METTL9: variants seen among roughly 807,000 people sequenced by gnomAD.
METTL9 encodes protein-L-histidine N-pros-methyltransferase.
A neutral mutation model predicts 36.0 loss-of-function variants in METTL9; 10 were observed. The observed-to-expected ratio is 0.28, with a 90% CI of 0.17 to 0.47. METTL9 has a LOEUF of 0.47. METTL9 is among the 20% of genes least tolerant of loss of function. The pLI is 0.99. For missense variants in METTL9, 246 were observed against 383.5 expected (o/e 0.64, Z 3.00); for synonymous variants, 175 against 149.7 (o/e 1.17, Z -1.23).
chr16:21,605,715 T>A (rs1202696825), intron 1 of METTL9, among the ~76,000 whole-genome samples: 1 of 152,170 alleles, frequency 6.6e-6, no homozygotes, highest in Non-Finnish European at 1.5e-5. Context: ...TTGTGCATGC[T>A]TTTTTTAAGG....
chr16:21,649,181 C>T (rs1465247185), intron 4 of METTL9, among the ~76,000 whole-genome samples: 10 of 152,076 alleles, frequency 6.6e-5, no homozygotes, highest in Non-Finnish European at 1.2e-4. Context: ...TTTGTAGAGA[C>T]AGGGTTTCAC....
chr16:21,599,709 T>G lies in METTL9; in HGVS notation c.-25T>G. On this transcript the variant is annotated 5_prime_UTR_variant, in exon 1 of 5. Transcript: ENST00000358154. The surrounding 1 kb of genome is among the most constrained non-coding windows in gnomAD (Gnocchi z 4.4). Reference sequence around the variant, plus strand: ...CTCCTCGCCCCGGCGCCGGCGGTGATCCGAGCGAGCGGCCGCGGCCCCCGA... The same window carrying G: ...CTCCTCGCCCCGGCGCCGGCGGTGAGCCGAGCGAGCGGCCGCGGCCCCCGA... 4 of 1,471,438 alleles carry G rather than the reference T, an allele frequency of 2.7e-6. No individual in the cohort carries two copies. The highest frequency in any genetic ancestry group is 3.6e-6 in the Non-Finnish European group (4 of 1,116,126). The allele number at this position is 1,471,438 out of a possible 1,614,324, so 91.1% of individuals were successfully genotyped here.
At chr16:21,601,495 C>T (rs1192712049) in intron 1 of METTL9, among the ~76,000 whole-genome samples, 4 of 152,110 alleles carry the variant, frequency 2.6e-5, no homozygotes, top group African/African-American at 9.7e-5. Context: ...CCTACTGCAG[C>T]CACTTGGTAG....
chr16:21,655,055 C>G (rs1291577459), intron 4 of METTL9, 172 bp from the exon 5 acceptor site: 3 of 626,780 alleles, frequency 4.8e-6, no homozygotes, highest in Non-Finnish European at 8.5e-6. Flanking sequence ...TGAGTCTGTT[C>G]TTTATCTGCC....
At chr16:21,628,160 A>G (rs764374253) in intron 4 of METTL9, among the ~76,000 whole-genome samples, 1 of 152,240 alleles carries the variant, frequency 6.6e-6, no homozygotes, top group Non-Finnish European at 1.5e-5. Flanking sequence ...TTACCAGCAC[A>G]TATGTCTCCA....
intron 4 of METTL9, chr16:21,654,930 C>T: frequency 2.6e-6 from 1 of 392,098 alleles, no homozygotes. Context: ...AGATACTACC[C>T]AAAACTGTCA....
At position 21,625,072 on chromosome 16, in the gene METTL9, C is replaced by T; in HGVS notation, c.708C>T (p.Val236=). 6.2e-7 allele frequency: 1 copy of T among 1,614,204 alleles called. No homozygotes were observed. Among genetic ancestry groups the T allele is most frequent in the Non-Finnish European group, 8.5e-7 (1 of 1,180,038 alleles). Residue 236 remains valine (V), a synonymous_variant, in exon 4 of 5, where the codon GTC becomes GTT. Transcript: ENST00000358154. ...TCTTGGAGCCAACTAGAGGCAGGGTCATCCTTGCCCTTGTCCTCCCCTTTC... is the reference window on the plus strand; with the variant it reads ...TCTTGGAGCCAACTAGAGGCAGGGTTATCCTTGCCCTTGTCCTCCCCTTTC... ...RSVLEPTRGR[V]ILALVLPFHP... is the part of the protein sequence containing the mutation.
At chr16:21,621,334 T>A (rs2152895255) in intron 3 of METTL9, among the ~76,000 whole-genome samples, 1 of 152,148 alleles carries the variant, frequency 6.6e-6, no homozygotes, top group South Asian at 2.1e-4. Flanking sequence ...TCTGTAATTT[T>A]TTTTTTTTTT....
intron 4 of METTL9, chr16:21,643,750 C>T: frequency 1.0e-5 from 6 of 593,016 alleles, no homozygotes; most frequent in South Asian, 2.3e-5. Flanking sequence ...GATGCTTTTA[C>T]TCCATTAAAA....
chr16:21,653,580 C>A (rs1966634086), intron 4 of METTL9: 1 of 152,278 alleles, frequency 6.6e-6, no homozygotes, highest in Non-Finnish European at 1.5e-5. Context: ...GTGTGGGGTC[C>A]ACAGCCAGGA....
chr16:21,648,961 G>A (rs1411244638), intron 4 of METTL9, among the ~76,000 whole-genome samples: 1 of 152,114 alleles, frequency 6.6e-6, no homozygotes, highest in Non-Finnish European at 1.5e-5. Context: ...TGTGATGCGA[G>A]TCTCTTCTCA....
intron 3 of METTL9, among the ~76,000 whole-genome samples, chr16:21,621,065 G>C (rs1965680124): frequency 6.6e-6 from 1 of 151,964 alleles, no homozygotes; most frequent in Admixed American, 6.6e-5. Flanking sequence ...GAACTTCCGG[G>C]CTCAAGTGAT....
chr16:21,655,315 C>T lies in METTL9; in HGVS notation c.840C>T (p.Phe280=), dbSNP rs1484579693. The T allele has an allele frequency of 6.2e-7, 1 of 1,614,226 alleles. No individual in the cohort carries two copies. The highest frequency in any genetic ancestry group is 1.7e-5 in the Admixed American group (1 of 60,024). The part of the protein sequence containing the change: ...EEQVNSLPEV[F]RKAGFVIEAF... ...AAGTGAATAGTCTGCCTGAAGTTTT[C>T]AGAAAAGCTGGTTTTGTTATCGAAG... is the stretch of plus-strand genomic sequence containing the variant. The change falls in exon 5 of 5, where the codon TTC becomes TTT. Residue 280 remains phenylalanine, a synonymous_variant. Transcript: ENST00000358154.
intron 1 of METTL9, among the ~76,000 whole-genome samples, chr16:21,604,161 T>C (rs1046685087): frequency 6.6e-6 from 1 of 152,194 alleles, no homozygotes; most frequent in Non-Finnish European, 1.5e-5. Flanking sequence ...TTCTCTGAAC[T>C]GCCTTCGAGA....
rs543143297 is a variant in METTL9, at chr16:21,644,322, C to T, written c.752-10905C>T. On this transcript the variant is annotated intron_variant, in intron 4 of 4. Transcript: ENST00000358154. ...AGGAGTATGAAGGCCACGCACACAC[C>T]GGTCACATAGACAGAGAGCAGTGAT... 71 of 1,613,586 alleles carry T rather than the reference C, an allele frequency of 4.4e-5. No homozygotes were observed. The Admixed American group carries it at 7.2e-4, about 16-fold the overall frequency.
intron 4 of METTL9, among the ~76,000 whole-genome samples, chr16:21,650,989 C>T (rs915039455): frequency 1.3e-5 from 2 of 152,130 alleles, no homozygotes; most frequent in South Asian, 2.1e-4. Flanking sequence ...TATGGGAGGC[C>T]GAGGCGGGCG....
chr16:21,637,248 G>A (rs1414345901), intron 4 of METTL9, among the ~76,000 whole-genome samples: 6 of 152,144 alleles, frequency 3.9e-5, no homozygotes, highest in East Asian at 1.9e-4. Flanking sequence ...TGATTCGTCC[G>A]TTTTGACAGA....
chr16:21,601,636 C>T (rs1392850579), intron 1 of METTL9, among the ~76,000 whole-genome samples: 4 of 152,084 alleles, frequency 2.6e-5, no homozygotes, highest in Non-Finnish European at 4.4e-5. Context: ...AGGATACTTT[C>T]TGACTGTACC....
chr16:21,604,133 A>G (rs557562027), intron 1 of METTL9, among the ~76,000 whole-genome samples: 6 of 152,260 alleles, frequency 3.9e-5, no homozygotes, highest in African/African-American at 1.4e-4. Context: ...CCGGACAGAC[A>G]CTGATGGATT....
Sources: gnomAD v4.1 joint callset for allele counts (sites outside exome capture counted in the v4.1 genomes callset) on GRCh38, gnomAD v4.1.1 for gene constraint, Gnocchi (gnomAD v3.1) non-coding constraint, MANE v1.5 for transcripts, NCBI Gene and HGNC (gene_info 2026-07-23, HGNC 2026-07-21) for gene names.